ZNF569: variants seen among roughly 807,000 people sequenced by gnomAD.
ZNF569 encodes the protein zinc finger protein 569.
ZNF569 carries 38 observed loss-of-function variants against 56.3 expected under a neutral mutation model. That is an observed-to-expected ratio of 0.68 (90% CI 0.52 to 0.88). The LOEUF (loss-of-function observed/expected upper bound fraction) is 0.88, where lower values mean the gene tolerates loss of function less well. ZNF569 is among the 40% of genes least tolerant of loss of function. The pLI is 0.00. For missense variants in ZNF569, 666 were observed against 809.2 expected, an observed-to-expected ratio of 0.82 and a Z score of 2.15; for synonymous variants, 241 against 262.9, an observed-to-expected ratio of 0.92 and a Z score of 0.81.
intron 3 of ZNF569, among the ~76,000 whole-genome samples, chr19:37,439,193 C>T (rs2041363310): frequency 6.6e-6 from 1 of 152,186 alleles, no homozygotes; most frequent in South Asian, 2.1e-4. Context: ...GCCTCAGCCT[C>T]CTGAGTAGCT....
intron 5 of ZNF569, among the ~76,000 whole-genome samples, chr19:37,419,290 A>C (rs2146868590): frequency 6.6e-6 from 1 of 152,358 alleles, no homozygotes; most frequent in African/African-American, 2.4e-5. Context: ...ACGAATATAC[A>C]AAAAGATAAT....
chr19:37,412,418 C>G lies in ZNF569; in HGVS notation c.*179G>C. The G allele has an allele frequency of 1.6e-5, 18 of 1,156,444 alleles. No homozygotes were observed. The highest frequency in any genetic ancestry group is 1.9e-5 in the Non-Finnish European group (17 of 894,870). 71.6% of individuals were successfully genotyped at this position (1,156,444 alleles called of 1,614,324 possible). ...GTCTGCTGAAAGTTTCTGGTAACAGCTTTTTCATTATATAATTTGTCACCT... is the reference window on the plus strand; with the variant it reads ...GTCTGCTGAAAGTTTCTGGTAACAGGTTTTTCATTATATAATTTGTCACCT... On this transcript the variant is annotated 3_prime_UTR_variant, in exon 6 of 6. Coordinates refer to ENST00000316950, the MANE Select transcript of ZNF569 (RefSeq NM_152484.3).
chr19:37,444,280 T>C (rs941950961), intron 3 of ZNF569, among the ~76,000 whole-genome samples: 6 of 152,212 alleles, frequency 3.9e-5, no homozygotes, highest in African/African-American at 1.2e-4. Context: ...TTTTCAACTT[T>C]ATATGAATGG....
intron 2 of ZNF569, among the ~76,000 whole-genome samples, chr19:37,453,982 T>C (rs1294602460): frequency 6.6e-6 from 1 of 152,214 alleles, no homozygotes; most frequent in Non-Finnish European, 1.5e-5. Context: ...ACATCTTGGA[T>C]AGTACAGTAG....
At chr19:37,461,409 C>T (rs944229342) in intron 2 of ZNF569, among the ~76,000 whole-genome samples, 32 of 151,342 alleles carry the variant, frequency 2.1e-4, no homozygotes, top group African/African-American at 6.3e-4. Context: ...TGGGTTCAAG[C>T]GATTCTCCTG....
chr19:37,464,584 G>A (rs1353906364), intron 2 of ZNF569, among the ~76,000 whole-genome samples: 1 of 152,144 alleles, frequency 6.6e-6, no homozygotes, highest in Non-Finnish European at 1.5e-5. Context: ...ATGGTAGTCA[G>A]TACAGTAACA....
At chr19:37,419,541 G>T (rs990748911) in intron 5 of ZNF569, among the ~76,000 whole-genome samples, 1 of 152,006 alleles carries the variant, frequency 6.6e-6, no homozygotes, top group African/African-American at 2.4e-5. Flanking sequence ...GGCCAATATG[G>T]TGAAACCCTG....
chr19:37,412,760 G>T lies in ZNF569; in HGVS notation c.1898C>A (p.Pro633His), dbSNP rs763734410. ...TTTTCCACATTTACTACAGTCGAAG[G>T]GTTTCTCACCTGTATGTCCTCGTAT... ...IHIRGHTGEK[P>H]FDCSKCGKAF... Residue 633 changes from proline (P) to histidine (H), a missense_variant, in exon 6 of 6, where the codon CCC becomes CAC. Transcript: ENST00000316950. 1.9e-6 allele frequency: 3 copies of T among 1,613,978 alleles called. No individual in the cohort carries two copies. Among genetic ancestry groups the T allele is most frequent in the Non-Finnish European group, 1.7e-6 (2 of 1,179,910 alleles).
At chr19:37,464,572 C>T (rs1404164965) in intron 2 of ZNF569, among the ~76,000 whole-genome samples, 2 of 152,118 alleles carry the variant, frequency 1.3e-5, no homozygotes, top group East Asian at 1.9e-4. Flanking sequence ...TTACAGTTGC[C>T]TATGGTAGTC....
At chr19:37,423,110 G>A (rs1568721311) in intron 5 of ZNF569, among the ~76,000 whole-genome samples, 1 of 152,158 alleles carries the variant, frequency 6.6e-6, no homozygotes, top group Non-Finnish European at 1.5e-5. Context: ...ATTTATGGAA[G>A]TTACTTTGTC....
chr19:37,426,392 C>T lies in ZNF569; in HGVS notation c.16-14G>A. On this transcript the variant is annotated splice_polypyrimidine_tract_variant and intron_variant, in intron 3 of 5. Coordinates refer to ENST00000316950, the MANE Select transcript of ZNF569 (RefSeq NM_152484.3). ...TGTTACTGTTCCCTGTAACAACACA[C>T]TCCCACTCAATCTGAAGTCATCCAT... 1 of 1,584,716 alleles carries T rather than the reference C, an allele frequency of 6.3e-7. No homozygotes were observed. Among genetic ancestry groups the T allele is most frequent in the African/African-American group, 1.4e-5 (1 of 73,712 alleles).
chr19:37,458,359 A>G (rs146523453), intron 2 of ZNF569, among the ~76,000 whole-genome samples: 22 of 152,360 alleles, frequency 1.4e-4, no homozygotes, highest in Non-Finnish European at 2.8e-4. Context: ...CCAGCCATAC[A>G]TAATTACATA....
chr19:37,432,491 G>A (rs2041242225), intron 3 of ZNF569, among the ~76,000 whole-genome samples: 2 of 152,204 alleles, frequency 1.3e-5, no homozygotes, highest in African/African-American at 2.4e-5. Flanking sequence ...TGGTTGCAGT[G>A]ACCAAAAACT....
chr19:37,437,238 T>C (rs2041325041), intron 3 of ZNF569, among the ~76,000 whole-genome samples: 1 of 152,110 alleles, frequency 6.6e-6, no homozygotes, highest in Admixed American at 6.5e-5. Flanking sequence ...AACCATATGA[T>C]CATTTCAACT....
At chr19:37,415,637 A>G (rs952924166) in intron 5 of ZNF569, among the ~76,000 whole-genome samples, 6 of 151,560 alleles carry the variant, frequency 4.0e-5, no homozygotes, top group Non-Finnish European at 7.4e-5. Context: ...TTGGGAGGCC[A>G]AGGCGGGCGG....
intron 2 of ZNF569, among the ~76,000 whole-genome samples, chr19:37,449,245 T>C (rs545976638): frequency 5.3e-5 from 8 of 152,318 alleles, no homozygotes; most frequent in South Asian, 4.1e-4. Flanking sequence ...AAATATGATC[T>C]ATGTAGGTGA....
intron 2 of ZNF569, among the ~76,000 whole-genome samples, chr19:37,449,035 T>A (rs933809383): frequency 6.6e-6 from 1 of 152,246 alleles, no homozygotes; most frequent in East Asian, 1.9e-4. Context: ...TATTTCCATT[T>A]TCTTTCGAAT....
intron 5 of ZNF569, among the ~76,000 whole-genome samples, chr19:37,417,278 A>G (rs895351656): frequency 6.6e-6 from 1 of 151,982 alleles, no homozygotes. Flanking sequence ...TTTATTTTTT[A>G]GAGACAGAGT....
upstream of ZNF569, chr19:37,469,110 C>G (rs1229736365): frequency 1.9e-5 from 20 of 1,051,978 alleles, no homozygotes; most frequent in Admixed American, 1.6e-4. Context: ...GTCCCTGTGA[C>G]CGGGCCAGGC....
Sources: allele counts gnomAD v4.1 joint callset (sites outside exome capture counted in the v4.1 genomes callset), GRCh38; gene constraint gnomAD v4.1.1; transcripts MANE v1.5; gene names NCBI Gene and HGNC (gene_info 2026-07-23, HGNC 2026-07-21).